The following ANKRD11 variants were observed in gnomAD, a reference collection of about 807,000 sequenced individuals.
The protein encoded by ANKRD11 is ankyrin repeat domain 11, also known as ankyrin repeat domain-containing protein 11.
Under a neutral mutation model 195.7 loss-of-function variants are expected in ANKRD11, and 17 were observed. The ratio of observed to expected loss-of-function variants is 0.09; its 90% CI spans 0.06 to 0.13. The LOEUF (loss-of-function observed/expected upper bound fraction) is 0.13. Ranked by LOEUF, ANKRD11 falls within the 10% of genes least tolerant of loss-of-function variation. The pLI is 1.00. For synonymous variants in ANKRD11, 1,953 were observed against 1,528.1 expected, an observed-to-expected ratio of 1.28 and a Z score of -6.49; for missense variants, 3,735 against 3,566.1, an observed-to-expected ratio of 1.05 and a Z score of -1.21.
chr16:89,286,336 G>C, intron 7 of ANKRD11, 150 bp from the exon 8 acceptor site: 1 of 1,144,310 alleles, frequency 8.7e-7, no homozygotes, highest in East Asian at 2.5e-5. Flanking sequence ...CGAGCGCCCA[G>C]GGACTGCCTG....
intron 3 of ANKRD11, among the ~76,000 whole-genome samples, chr16:89,316,073 T>C (rs1309750816): frequency 6.6e-6 from 1 of 150,466 alleles, no homozygotes; most frequent in Non-Finnish European, 1.5e-5. Flanking sequence ...GCCAAGAAGT[T>C]AGGAGGAGCA....
At position 89,267,651 on chromosome 16, in the gene ANKRD11, C is replaced by T. The variant is rs565289288; in HGVS notation, c.*827G>A. ...AGCATTTTAATTAATTTATTTATTT[C>T]TTTACACATAACTGAAAGTGATGTT... is the stretch of plus-strand genomic sequence containing the variant. On this transcript the variant is annotated 3_prime_UTR_variant, in exon 13 of 13. Transcript: ENST00000301030. 2.0e-5 allele frequency: 3 copies of T among 152,400 alleles called. No individual in the cohort carries two copies. The allele number at this position is 152,400 out of a possible 1,614,324, so 9.4% of individuals were successfully genotyped here.
chr16:89,371,525 A>G (rs920319019), intron 2 of ANKRD11, among the ~76,000 whole-genome samples: 1 of 152,170 alleles, frequency 6.6e-6, no homozygotes, highest in Non-Finnish European at 1.5e-5. Context: ...CCACCCACAG[A>G]TGAGTTCTCT....
chr16:89,327,530 G>C (rs73253793), intron 2 of ANKRD11, among the ~76,000 whole-genome samples: 3,699 of 152,162 alleles, frequency 0.024, 146 homozygotes, highest in African/African-American at 0.085. Context: ...CAAGGACACA[G>C]AATCCAAGAT....
chr16:89,307,543 G>A (rs993759966), intron 3 of ANKRD11, among the ~76,000 whole-genome samples: 4 of 152,152 alleles, frequency 2.6e-5, no homozygotes, highest in African/African-American at 7.2e-5. Context: ...CTGGGGAGAC[G>A]GGGCCTCAGG....
At chr16:89,437,322 GAA>G (rs1460391911) in intron 1 of ANKRD11, among the ~76,000 whole-genome samples, 1 of 152,200 alleles carries the variant, frequency 6.6e-6, no homozygotes, top group Non-Finnish European at 1.5e-5. Flanking sequence ...ACCAAAAAGT[GAA>G]AGACTGTATT....
At chr16:89,307,843 G>C (rs1354536900) in intron 3 of ANKRD11, among the ~76,000 whole-genome samples, 2 of 152,254 alleles carry the variant, frequency 1.3e-5, no homozygotes, top group East Asian at 1.9e-4. Context: ...CCTGGCCCAG[G>C]GGGTGGGTTC....
chr16:89,484,945 C>T (rs2057555729), intron 1 of ANKRD11, among the ~76,000 whole-genome samples: 1 of 152,148 alleles, frequency 6.6e-6, no homozygotes, highest in South Asian at 2.1e-4. Context: ...AAACAGGTCT[C>T]ACCCTCCACC....
intron 2 of ANKRD11, among the ~76,000 whole-genome samples, chr16:89,386,036 T>A (rs2040894866): frequency 6.6e-6 from 1 of 152,236 alleles, no homozygotes; most frequent in Non-Finnish European, 1.5e-5. Context: ...TGCGCCGCCA[T>A]GCCCGCAAAC....
chr16:89,452,779 C>CAAAAAA (rs11401095), intron 1 of ANKRD11, among the ~76,000 whole-genome samples: 2 of 73,474 alleles, frequency 2.7e-5, no homozygotes, highest in Admixed American at 1.7e-4. Context: ...GACTCTATCT[C>CAAAAAA]AAAAAAAAAA....
In ANKRD11 at chr16:89,284,146, T is replaced by G; in HGVS notation, c.2396A>C (p.Lys799Thr). Residue 799 changes from lysine (K) to threonine (T), a missense_variant, in exon 9 of 13, where the codon AAA becomes ACA. Transcript: ENST00000301030. Reference protein sequence around the residue: ...KEKEKIFKEDKEKLKKEKVYR... With the variant: ...KEKEKIFKEDTEKLKKEKVYR... ...AACCTTTTCTTTTTTGAGTTTTTCTTTATCTTCTTTAAAAATCTTCTCCTT... is the reference window on the plus strand; with the variant it reads ...AACCTTTTCTTTTTTGAGTTTTTCTGTATCTTCTTTAAAAATCTTCTCCTT... 6.2e-7 allele frequency: 1 copy of G among 1,605,514 alleles called. No homozygotes were observed. Among genetic ancestry groups the G allele is most frequent in the Non-Finnish European group, 8.5e-7 (1 of 1,177,544 alleles).
At chr16:89,288,881 C>G in intron 6 of ANKRD11, 5 of 647,934 alleles carry the variant, frequency 7.7e-6, no homozygotes, top group Non-Finnish European at 1.4e-5. Context: ...CGATCCATAT[C>G]TAGCTTATTA....
intron 2 of ANKRD11, among the ~76,000 whole-genome samples, chr16:89,388,138 T>C (rs902517461): frequency 2.6e-5 from 4 of 151,968 alleles, no homozygotes; most frequent in Non-Finnish European, 5.9e-5. Context: ...AATGCTAACA[T>C]CATACATAAA....
chr16:89,435,796 TCACACACA>T (rs58503159), intron 1 of ANKRD11, among the ~76,000 whole-genome samples: 124 of 143,108 alleles, frequency 8.7e-4, no homozygotes, highest in African/African-American at 2.5e-3. Context: ...CACCAGCTCT[TCACACACA>T]CACACACACA....
chr16:89,479,533 G>A (rs969152420), intron 1 of ANKRD11, among the ~76,000 whole-genome samples: 1 of 152,112 alleles, frequency 6.6e-6, no homozygotes, highest in South Asian at 2.1e-4. Flanking sequence ...TATTCTGGAG[G>A]CTGAGGCAAG....
chr16:89,328,973 C>A (rs2037900329), intron 2 of ANKRD11: 3 of 147,364 alleles, frequency 2.0e-5, no homozygotes, highest in Admixed American at 6.7e-5. Context: ...AGTGGAGGCC[C>A]CTGCTGAGTG....
chr16:89,268,815 CTA>C, intron 12 of ANKRD11, 152 bp from the exon 13 acceptor site: 1 of 863,544 alleles, frequency 1.2e-6, no homozygotes, highest in Non-Finnish European at 1.8e-6. Flanking sequence ...CTCCTGGCAT[CTA>C]GTTACTACAC....
At chr16:89,486,077 G>C (rs1057058041) in intron 1 of ANKRD11, among the ~76,000 whole-genome samples, 2 of 152,124 alleles carry the variant, frequency 1.3e-5, no homozygotes, top group Non-Finnish European at 2.9e-5. Flanking sequence ...CTCCCTTTAT[G>C]TTTCTTTATC....
intron 1 of ANKRD11, among the ~76,000 whole-genome samples, chr16:89,463,139 C>G (rs931377860): frequency 1.5e-4 from 22 of 151,496 alleles, no homozygotes; most frequent in African/African-American, 5.3e-4. Flanking sequence ...AGTGAGGAGC[C>G]CCTCTGCCCG....
Sources: allele counts gnomAD v4.1 joint callset (sites outside exome capture counted in the v4.1 genomes callset), GRCh38; gene constraint gnomAD v4.1.1; transcripts MANE v1.5; gene names NCBI Gene and HGNC (gene_info 2026-07-23, HGNC 2026-07-21).